SPATA22: variants seen among roughly 807,000 people sequenced by gnomAD.
The protein encoded by SPATA22 is spermatogenesis-associated protein 22.
In SPATA22, 29 loss-of-function variants were observed where a neutral mutation model predicts 47.8. The observed-to-expected ratio is 0.61, with a 90% CI of 0.45 to 0.83. SPATA22 has a LOEUF of 0.83. Among genes scored for constraint, SPATA22 ranks in the 40% least tolerant of loss-of-function variants. The pLI is 0.00. For missense variants in SPATA22, 410 were observed against 421.7 expected (o/e 0.97, Z 0.24); for synonymous variants, 133 against 140.9 (o/e 0.94, Z 0.40).
At chr17:3,470,041 T>C (rs12945338) in intron 1 of SPATA22, among the ~76,000 whole-genome samples, 61,904 of 141,776 alleles carry the variant, frequency 0.44, 13,345 homozygotes, top group East Asian at 0.58. Context: ...TGCAGTGAGC[T>C]GAGATCGTGC....
chr17:3,452,015 T>C (rs1261207276), intron 5 of SPATA22, among the ~76,000 whole-genome samples: 1 of 150,878 alleles, frequency 6.6e-6, no homozygotes, highest in Non-Finnish European at 1.5e-5. Flanking sequence ...AACACCCTCT[T>C]GAACAATCAT....
At chr17:3,471,425 A>G in intron 1 of SPATA22, 1 of 985,374 alleles carries the variant, frequency 1.0e-6, no homozygotes, top group Non-Finnish European at 1.2e-6. Flanking sequence ...GGGGACCCTC[A>G]TTTACCCCCA....
At chr17:3,447,626 T>C (rs1031275466) in intron 6 of SPATA22, among the ~76,000 whole-genome samples, 6 of 152,168 alleles carry the variant, frequency 3.9e-5, no homozygotes, top group Non-Finnish European at 8.8e-5. Flanking sequence ...AAAGATTGCT[T>C]TTTCAGACAT....
At chr17:3,469,432 T>C (rs577237244) in intron 1 of SPATA22, 34 bp from the exon 2 acceptor site, 4 of 842,148 alleles carry the variant, frequency 4.7e-6, no homozygotes, top group Non-Finnish European at 7.3e-6. Context: ...TCGTATTGTC[T>C]CAACTATAAA....
intron 1 of SPATA22, among the ~76,000 whole-genome samples, chr17:3,505,238 C>T (rs1339825905): frequency 6.6e-6 from 1 of 152,222 alleles, no homozygotes; most frequent in Non-Finnish European, 1.5e-5. Context: ...ACCCAAATTG[C>T]AACCGTAATG....
upstream of SPATA22, among the ~76,000 whole-genome samples, chr17:3,473,109 T>TAAAAA (rs34905771): frequency 1.5e-5 from 2 of 129,346 alleles, no homozygotes; most frequent in African/African-American, 2.9e-5. Flanking sequence ...GATTTTTCAT[T>TAAAAA]AAAAAAAAAA....
intron 1 of SPATA22, among the ~76,000 whole-genome samples, chr17:3,480,061 C>G (rs2073600894): frequency 6.6e-6 from 1 of 152,172 alleles, no homozygotes; most frequent in East Asian, 1.9e-4. Flanking sequence ...TCTGAAAACT[C>G]TGTCCCTGGA....
At chr17:3,495,470 C>T (rs758050162) in intron 1 of SPATA22, among the ~76,000 whole-genome samples, 4 of 152,234 alleles carry the variant, frequency 2.6e-5, no homozygotes, top group African/African-American at 9.6e-5. Context: ...CCCAGTAATA[C>T]AGACGAGTGA....
chr17:3,459,089 A>C lies in SPATA22; in HGVS notation c.329+3394T>G, dbSNP rs529454938. Reference sequence around the variant, plus strand: ...CTTTACAAATCAAACTCATAGAAGCAGAGCGTAGAATAGTGGTTACCAGGG... The same window carrying C: ...CTTTACAAATCAAACTCATAGAAGCCGAGCGTAGAATAGTGGTTACCAGGG... On this transcript the variant is annotated intron_variant, in intron 5 of 8. Coordinates refer to ENST00000572969, the MANE Select transcript of SPATA22 (RefSeq NM_001170698.2). Among the ~76,000 whole-genome samples the C allele has an allele frequency of 1.1e-4, 15 of 134,940 alleles. No homozygotes were observed. The East Asian group carries it at 3.3e-3, about 30-fold the overall frequency. The allele number at this position is 134,940 out of a possible 152,430, so 88.5% of individuals were successfully genotyped here.
chr17:3,469,285 G>T lies in SPATA22; in HGVS notation c.41C>A (p.Ala14Glu), dbSNP rs770196288. 1.5e-5 allele frequency: 22 copies of T among 1,496,682 alleles called. No individual in the cohort carries two copies. The highest frequency in any genetic ancestry group is 2.8e-5 in the African/African-American group (2 of 72,678). The allele number at this position is 1,496,682 out of a possible 1,614,324, so 92.7% of individuals were successfully genotyped here. A position where few individuals can be genotyped will look rare whatever the true frequency, so the allele number is the denominator to read the frequency against. ...SLNENSARST[A>E]GCLPVPLFNQ... ...AAAAATAAAAAGTTGTTCAATACCT[G>T]CTGTACTTCGAGCTGAATTTTCATT... Residue 14 changes from alanine (A) to glutamate (E), a missense_variant and splice_region_variant, in exon 2 of 9, where the codon GCA (alanine) becomes GAA (glutamate). By Grantham distance (107) the Ala-to-Glu change is moderately radical. Coordinates refer to ENST00000572969, the MANE Select transcript of SPATA22 (RefSeq NM_001170698.2).
intron 6 of SPATA22, among the ~76,000 whole-genome samples, chr17:3,448,504 C>T (rs2072778465): frequency 6.6e-6 from 1 of 152,080 alleles, no homozygotes; most frequent in African/African-American, 2.4e-5. Context: ...ATATCAAGAG[C>T]CTGGGTAACT....
intron 3 of SPATA22, among the ~76,000 whole-genome samples, chr17:3,465,810 C>T (rs992954897): frequency 6.2e-4 from 61 of 98,518 alleles, no homozygotes; most frequent in Non-Finnish European, 1.4e-3. Context: ...AAAAAAACAA[C>T]ACTGATGCAG....
rs547931191 is a variant in SPATA22 at position 3,477,448 on chromosome 17, C to CTTCT, written c.-73-8054_-73-8051dup. Among the ~76,000 whole-genome samples, 555 of 152,134 alleles carry CTTCT rather than the reference C, an allele frequency of 3.6e-3. 5 individuals carry two copies. The highest frequency in any genetic ancestry group is 0.012 in the African/African-American group (502 of 41,524). The stretch of plus-strand genomic sequence containing the variant: ...GACTCCACATATTTGCTTTTTACCA[C>CTTCT]TTCTTTCTTTCTTTCTCTTTTTGAG... On this transcript the variant is annotated intron_variant, in intron 1 of 8. Coordinates refer to the SPATA22 transcript ENST00000541913.
At chr17:3,491,240 TA>T (rs1260264950) in intron 1 of SPATA22, among the ~76,000 whole-genome samples, 1 of 152,160 alleles carries the variant, frequency 6.6e-6, no homozygotes, top group Non-Finnish European at 1.5e-5. Context: ...ACCAAATGTT[TA>T]AGGTTAACAA....
chr17:3,456,497 G>A (rs2073000960), intron 5 of SPATA22, among the ~76,000 whole-genome samples: 1 of 150,914 alleles, frequency 6.6e-6, no homozygotes, highest in African/African-American at 2.4e-5. Context: ...GACTAAACCA[G>A]GAAGAAGTTG....
chr17:3,462,655 A>T, intron 4 of SPATA22, 52 bp downstream of exon 4: 2 of 1,573,988 alleles, frequency 1.3e-6, no homozygotes, highest in South Asian at 2.2e-5. Context: ...GTAGAAGAAC[A>T]ACATCAGTTA....
chr17:3,464,224 C>A (rs200188788), intron 3 of SPATA22, among the ~76,000 whole-genome samples: 1 of 150,792 alleles, frequency 6.6e-6, no homozygotes, highest in South Asian at 2.1e-4. Context: ...GCGAGTGATC[C>A]GCCAGCCTCG....
chr17:3,503,984 C>G (rs117548867), intron 1 of SPATA22, among the ~76,000 whole-genome samples: 1 of 151,816 alleles, frequency 6.6e-6, no homozygotes, highest in Admixed American at 6.6e-5. Flanking sequence ...CCCTCCCCGA[C>G]GCCTCCCTAC....
In SPATA22 at chr17:3,462,524, G is replaced by A. The variant is rs1300309051; in HGVS notation, c.288C>T (p.Asn96=). The change falls in exon 5 of 9, where the codon AAC becomes AAT. Residue 96 remains asparagine (N), a synonymous_variant. Transcript: ENST00000572969. ...TTCTTCCAGTATTTGATTGAATAGA[G>A]TTAAAGACAGAATCTTGACTTCTCA... is the stretch of plus-strand genomic sequence containing the variant. The part of the protein sequence containing the change: ...RPLRSQDSVF[N]SIQSNTGRSQ... The A allele has an allele frequency of 6.2e-7, 1 of 1,613,166 alleles. No homozygotes were observed.
Sources: gnomAD v4.1 joint callset for allele counts (sites outside exome capture counted in the v4.1 genomes callset) on GRCh38, gnomAD v4.1.1 for gene constraint, MANE v1.5 for transcripts, NCBI Gene and HGNC (gene_info 2026-07-23, HGNC 2026-07-21) for gene names.